The following MGLL variants were observed in gnomAD, a reference collection of about 807,000 sequenced individuals.
MGLL encodes monoglyceride lipase.
MGLL carries 7 observed loss-of-function variants against 29.1 expected under a neutral mutation model. That is an observed-to-expected ratio of 0.24 (90% CI 0.14 to 0.45). MGLL has a LOEUF of 0.45. Among genes scored for constraint, MGLL ranks in the 20% least tolerant of loss-of-function variants. MGLL has a pLI of 0.99. For synonymous variants in MGLL, 148 were observed against 168.3 expected (o/e 0.88, Z 0.93); for missense variants, 356 against 413.6 (o/e 0.86, Z 1.21).
At chr3:127,778,565 A>T (rs2077073354) in intron 3 of MGLL, among the ~76,000 whole-genome samples, 1 of 152,176 alleles carries the variant, frequency 6.6e-6, no homozygotes, top group African/African-American at 2.4e-5. Context: ...ATGAAAGTGC[A>T]GTAGCATGCT....
chr3:127,788,359 G>A (rs2077247982), intron 2 of MGLL, among the ~76,000 whole-genome samples: 1 of 152,188 alleles, frequency 6.6e-6, no homozygotes, highest in South Asian at 2.1e-4. Flanking sequence ...AGGTCCGCAG[G>A]TTGGATAGCT....
intron 3 of MGLL, among the ~76,000 whole-genome samples, chr3:127,777,486 G>C (rs751649609): frequency 1.3e-5 from 2 of 152,208 alleles, no homozygotes; most frequent in Admixed American, 6.5e-5. Flanking sequence ...AATGCAGTGG[G>C]GCTAGAGCCT....
intron 2 of MGLL, among the ~76,000 whole-genome samples, chr3:127,818,971 G>A (rs968618236): frequency 3.3e-5 from 5 of 152,182 alleles, no homozygotes; most frequent in African/African-American, 1.2e-4. Context: ...GCATGAATTT[G>A]CCTTGGTACT....
chr3:127,765,769 C>T (rs1039311767), intron 3 of MGLL, among the ~76,000 whole-genome samples: 3 of 152,212 alleles, frequency 2.0e-5, no homozygotes, highest in South Asian at 2.1e-4. Context: ...GTGGCCGCAT[C>T]GCTCCAGATT....
intron 2 of MGLL, among the ~76,000 whole-genome samples, chr3:127,807,908 C>T (rs1262914514): frequency 4.6e-5 from 7 of 151,730 alleles, no homozygotes; most frequent in South Asian, 4.2e-4. Context: ...ACTACAGGTG[C>T]CCACCACCAT....
At chr3:127,740,745 C>T (rs1484506370) in intron 3 of MGLL, among the ~76,000 whole-genome samples, 1 of 152,238 alleles carries the variant, frequency 6.6e-6, no homozygotes, top group African/African-American at 2.4e-5. Flanking sequence ...AAGCTCCCCA[C>T]ACTGAGGGTG....
intron 3 of MGLL, among the ~76,000 whole-genome samples, chr3:127,751,878 C>T (rs2076565289): frequency 6.6e-6 from 1 of 152,220 alleles, no homozygotes; most frequent in South Asian, 2.1e-4. Context: ...CTGGGCTTTC[C>T]AATTCACAGT....
At chr3:127,822,128 A>T (rs1222288027) in intron 1 of MGLL, 181 bp downstream of exon 1, 1 of 720,280 alleles carries the variant, frequency 1.4e-6, no homozygotes, top group East Asian at 2.8e-5. Flanking sequence ...TTCATCTTAA[A>T]GACTATTTTA....
At chr3:127,794,373 T>TA (rs1320654017) in intron 2 of MGLL, among the ~76,000 whole-genome samples, 1 of 152,164 alleles carries the variant, frequency 6.6e-6, no homozygotes, top group Non-Finnish European at 1.5e-5. Context: ...AAAACTGTCT[T>TA]CTATGAAGTA....
intron 3 of MGLL, among the ~76,000 whole-genome samples, chr3:127,774,288 C>G (rs569888178): frequency 6.6e-6 from 1 of 152,370 alleles, no homozygotes; most frequent in South Asian, 2.1e-4. Flanking sequence ...GTCCAAATGA[C>G]TGCCACAGCC....
Position 127,692,094 on chromosome 3 carries a change from A to ATTTTTT in MGLL, c.*98_*103dup, listed in dbSNP as rs11433015. ...GTGCTAAGGATTTCTCCAATTTCTG[A>ATTTTTT]TTTTTTTTTTTTTTTTTTTTTGGCA... On this transcript the variant is annotated 3_prime_UTR_variant, in exon 8 of 8. Coordinates refer to ENST00000265052, the MANE Select transcript of MGLL (RefSeq NM_007283.7). 86 of 709,148 alleles carry ATTTTTT rather than the reference A, an allele frequency of 1.2e-4. 2 individuals are homozygous for ATTTTTT. The highest frequency in any genetic ancestry group is 3.9e-4 in the South Asian group (24 of 60,922). 43.9% of individuals were successfully genotyped at this position (709,148 alleles called of 1,614,324 possible). A position where few individuals can be genotyped will look rare whatever the true frequency, so the allele number is the denominator to read the frequency against.
chr3:127,800,178 G>A (rs2107735417), intron 2 of MGLL, among the ~76,000 whole-genome samples: 1 of 152,282 alleles, frequency 6.6e-6, no homozygotes, highest in South Asian at 2.1e-4. Flanking sequence ...AAGTGGTGGT[G>A]GGGCAACAAG....
At position 127,721,100 on chromosome 3, in the gene MGLL, T is replaced by C. The variant is rs750868420; in HGVS notation, c.463A>G (p.Ile155Val). The change falls in exon 5 of 8, where the codon ATT (isoleucine) becomes GTT (valine). Residue 155 changes from isoleucine to valine, a missense_variant. Ile to Val is a conservative substitution (Grantham distance 29, BLOSUM62 3). Coordinates refer to ENST00000265052, the MANE Select transcript of MGLL (RefSeq NM_007283.7). ...RPGHFAGMVL[I>V]SPLVLANPES... ...GGATTGGCAAGAACCAGAGGCGAAA[T>C]GAGTACCATGCCGGCGAAGTGGCCC... 8.1e-6 allele frequency: 13 copies of C among 1,614,094 alleles called. No homozygotes were observed. The highest frequency in any genetic ancestry group is 1.6e-4 in the Middle Eastern group (1 of 6,084).
intron 5 of MGLL, chr3:127,711,625 A>G (rs904515892): frequency 2.6e-5 from 4 of 152,220 alleles, no homozygotes; most frequent in African/African-American, 9.7e-5. Context: ...CTCAGTGTAC[A>G]TCAAGGGCAC....
chr3:127,763,324 A>C (rs1033779995), intron 3 of MGLL, among the ~76,000 whole-genome samples: 1 of 152,178 alleles, frequency 6.6e-6, no homozygotes, highest in African/African-American at 2.4e-5. Flanking sequence ...AAAGACCGAA[A>C]CGGCTTCTTC....
chr3:127,726,736 G>C (rs910677492), intron 3 of MGLL, among the ~76,000 whole-genome samples: 1 of 151,950 alleles, frequency 6.6e-6, no homozygotes, highest in Non-Finnish European at 1.5e-5. Context: ...GGCCTACAGG[G>C]GTTCTTTATA....
At chr3:127,701,845 C>G (rs911582978) in intron 6 of MGLL, among the ~76,000 whole-genome samples, 2 of 152,194 alleles carry the variant, frequency 1.3e-5, no homozygotes, top group Non-Finnish European at 2.9e-5. Context: ...CTCTTATCTG[C>G]CAGCAACCCT....
chr3:127,763,410 G>A (rs1472017142), intron 3 of MGLL, among the ~76,000 whole-genome samples: 1 of 152,222 alleles, frequency 6.6e-6, no homozygotes, highest in African/African-American at 2.4e-5. Context: ...GAAAACACTG[G>A]GCTGTACCCA....
At chr3:127,798,686 G>A (rs1405560924) in intron 2 of MGLL, among the ~76,000 whole-genome samples, 1 of 152,182 alleles carries the variant, frequency 6.6e-6, no homozygotes, top group Non-Finnish European at 1.5e-5. Context: ...CCATATTCCT[G>A]TTGTGTCAAC....
Sources: gnomAD v4.1 joint callset for allele counts (sites outside exome capture counted in the v4.1 genomes callset) on GRCh38, gnomAD v4.1.1 for gene constraint, MANE v1.5 for transcripts, NCBI Gene and HGNC (gene_info 2026-07-23, HGNC 2026-07-21) for gene names.